Variants in COL25A1 observed in about 807,000 individuals in gnomAD.
COL25A1 encodes collagen alpha-1(XXV) chain.
A neutral mutation model predicts 128.4 loss-of-function variants in COL25A1; 103 were observed. That is an observed-to-expected ratio of 0.80 (90% CI 0.68 to 0.94). COL25A1 has a LOEUF of 0.94. COL25A1 is among the 40% of genes least tolerant of loss of function. The probability of loss-of-function intolerance (pLI) is 0.00; values close to 1 mark genes in which losing one functional copy is unlikely to be tolerated. For missense variants in COL25A1, 745 were observed against 840.0 expected (o/e 0.89, Z 1.40); for synonymous variants, 279 against 277.2 (o/e 1.01, Z -0.06).
intron 8 of COL25A1, among the ~76,000 whole-genome samples, chr4:108,954,429 T>C (rs1749818319): frequency 6.6e-6 from 1 of 152,088 alleles, no homozygotes; most frequent in African/African-American, 2.4e-5. Context: ...TTCGCACATA[T>C]AATTTACTCG....
rs2125695809 is a variant in COL25A1, at chr4:108,809,778, GTCC to G, written c.*4146_*4148del. The G allele has an allele frequency of 6.6e-6, 1 of 152,072 alleles. No homozygotes were observed. The highest frequency in any genetic ancestry group is 2.1e-4 in the South Asian group (1 of 4,816). 9.4% of individuals were successfully genotyped at this position (152,072 alleles called of 1,614,324 possible). Reference sequence around the variant, plus strand: ...AAATGGGAAGAAGTAGGGACTGACAGTCCTCCTAGCCTAAAACAATTTAGCATA... The same window carrying G: ...AAATGGGAAGAAGTAGGGACTGACAGTCCTAGCCTAAAACAATTTAGCATA... On this transcript the variant is annotated 3_prime_UTR_variant, in exon 38 of 38. Transcript: ENST00000399132.
At chr4:109,102,964 T>G (rs1304865313) in intron 3 of COL25A1, among the ~76,000 whole-genome samples, 1 of 152,170 alleles carries the variant, frequency 6.6e-6, no homozygotes, top group East Asian at 1.9e-4. Flanking sequence ...ATCTTCTAAC[T>G]TGCTGTGTAT....
intron 5 of COL25A1, among the ~76,000 whole-genome samples, chr4:109,031,162 A>G (rs1758814361): frequency 6.6e-6 from 1 of 152,204 alleles, no homozygotes; most frequent in South Asian, 2.1e-4. Flanking sequence ...CCCAGGCTGG[A>G]GTGCAGTGGC....
chr4:109,022,828 C>T (rs1757895348), intron 5 of COL25A1, among the ~76,000 whole-genome samples: 1 of 152,126 alleles, frequency 6.6e-6, no homozygotes, highest in Non-Finnish European at 1.5e-5. Context: ...CTACGGCATT[C>T]AAAGGCTGTG....
At chr4:108,884,096 C>T in intron 19 of COL25A1, 82 bp downstream of exon 19, 1 of 1,375,426 alleles carries the variant, frequency 7.3e-7, no homozygotes, top group Non-Finnish European at 1.0e-6. Context: ...TTTTAGTTTC[C>T]ATTTTTCCCT....
chr4:108,886,492 G>GTGTGTTTTT (rs58157157), intron 18 of COL25A1, among the ~76,000 whole-genome samples: 7 of 109,242 alleles, frequency 6.4e-5, no homozygotes, highest in African/African-American at 2.0e-4. Context: ...GTGTGTGTGT[G>GTGTGTTTTT]TTTAGCTCAT....
At chr4:108,920,541 C>A (rs926246103) in intron 12 of COL25A1, 37 bp downstream of exon 12, 1 of 1,549,432 alleles carries the variant, frequency 6.5e-7, no homozygotes, top group Non-Finnish European at 8.9e-7. Flanking sequence ...GTCATGAGAG[C>A]ATAATTACTT....
chr4:109,031,307 G>A (rs561602786), intron 5 of COL25A1, among the ~76,000 whole-genome samples: 2 of 151,382 alleles, frequency 1.3e-5, no homozygotes, highest in South Asian at 4.2e-4. Flanking sequence ...TAGTAGAGAC[G>A]GGGTTTCACC....
chr4:109,085,728 C>A (rs180992712), intron 3 of COL25A1, among the ~76,000 whole-genome samples: 1 of 152,276 alleles, frequency 6.6e-6, no homozygotes, highest in East Asian at 1.9e-4. Context: ...GATTTGGCAT[C>A]TCAGCACAAC....
chr4:109,301,383 T>C (rs1725509892), intron 2 of COL25A1, among the ~76,000 whole-genome samples: 1 of 152,184 alleles, frequency 6.6e-6, no homozygotes, highest in Non-Finnish European at 1.5e-5. Flanking sequence ...ACAGATGCTA[T>C]CTCTGCAAGA....
chr4:109,041,290 G>C (rs568395744), intron 5 of COL25A1, among the ~76,000 whole-genome samples: 2 of 152,106 alleles, frequency 1.3e-5, no homozygotes, highest in Admixed American at 1.3e-4. Context: ...GAAGTAATCT[G>C]GAAGGCCTGG....
chr4:109,288,452 G>A (rs1724105032), intron 3 of COL25A1, among the ~76,000 whole-genome samples: 1 of 152,036 alleles, frequency 6.6e-6, no homozygotes, highest in Non-Finnish European at 1.5e-5. Flanking sequence ...AATCCATTAT[G>A]ATCAAAGATG....
intron 3 of COL25A1, among the ~76,000 whole-genome samples, chr4:109,266,538 T>C (rs1292731726): frequency 6.6e-6 from 1 of 152,014 alleles, no homozygotes; most frequent in Non-Finnish European, 1.5e-5. Context: ...TATAAAGATA[T>C]GGGGGGCTGG....
At position 109,051,648 on chromosome 4, in the gene COL25A1, C is replaced by CACACACAG. The variant is rs33959198; in HGVS notation, c.368-1470_368-1469insCTGTGTGT. On this transcript the variant is annotated intron_variant, in intron 3 of 37. Coordinates refer to ENST00000399132, the MANE Select transcript of COL25A1 (RefSeq NM_198721.4). The stretch of plus-strand genomic sequence containing the variant: ...ACACACACACACACACACACACACA[C>CACACACAG]AGACATAATCTGATATATAAAACTT... 5.3e-3 allele frequency among the ~76,000 whole-genome samples: 757 copies of CACACACAG among 142,468 alleles called. 8 individuals carry two copies. Among genetic ancestry groups the CACACACAG allele is most frequent in the African/African-American group, 0.018 (701 of 39,740 alleles). The allele number at this position is 142,468 out of a possible 152,430, so 93.5% of individuals were successfully genotyped here.
At chr4:109,061,279 C>T (rs577090739) in intron 3 of COL25A1, among the ~76,000 whole-genome samples, 77 of 152,138 alleles carry the variant, frequency 5.1e-4, no homozygotes, top group Middle Eastern at 3.4e-3. Flanking sequence ...GTATTTTTTC[C>T]AACATACCCA....
rs79162360 is a variant in COL25A1 at position 108,821,867 on chromosome 4, G to A, written c.1845+2307C>T. ...AAAGAATTATATACATGAATTATTCGCATTTAGAACCAATTTTTGTAAATT... is the reference window on the plus strand; with the variant it reads ...AAAGAATTATATACATGAATTATTCACATTTAGAACCAATTTTTGTAAATT... On this transcript the variant is annotated intron_variant, in intron 35 of 37. Coordinates refer to ENST00000399132, the MANE Select transcript of COL25A1 (RefSeq NM_198721.4). Among the ~76,000 whole-genome samples, 40 of 151,940 alleles carry A rather than the reference G, an allele frequency of 2.6e-4. No homozygotes were observed. In the South Asian group the frequency reaches 2.9e-3, roughly 11 times the overall value.
intron 3 of COL25A1, among the ~76,000 whole-genome samples, chr4:109,174,559 G>A (rs1773898567): frequency 1.3e-5 from 2 of 152,212 alleles, no homozygotes; most frequent in South Asian, 2.1e-4. Context: ...GCTCCTGGGT[G>A]CAACCCCTCT....
At chr4:108,932,872 T>C (rs139047177) in intron 11 of COL25A1, among the ~76,000 whole-genome samples, 147 of 152,320 alleles carry the variant, frequency 9.7e-4, no homozygotes, top group African/African-American at 3.4e-3. Flanking sequence ...CTTCCAATTA[T>C]GGTCATTCCT....
chr4:109,108,017 T>C (rs1423695810), intron 3 of COL25A1, among the ~76,000 whole-genome samples: 1 of 152,204 alleles, frequency 6.6e-6, no homozygotes, highest in African/African-American at 2.4e-5. Context: ...TAAAAACCTA[T>C]TGATGTACAT....
Sources: allele counts gnomAD v4.1 joint callset (sites outside exome capture counted in the v4.1 genomes callset), GRCh38; gene constraint gnomAD v4.1.1; transcripts MANE v1.5; gene names NCBI Gene and HGNC (gene_info 2026-07-23, HGNC 2026-07-21).